Variants in PRDM2 observed in about 807,000 individuals in gnomAD.
PRDM2 encodes PR/SET domain 2.
Under a neutral mutation model 130.0 loss-of-function variants are expected in PRDM2, and 30 were observed. The observed-to-expected ratio is 0.23, with a 90% CI of 0.17 to 0.31. The LOEUF is 0.31. Among genes scored for constraint, PRDM2 ranks in the 10% least tolerant of loss-of-function variants. The probability of loss-of-function intolerance (pLI) is 1.00; values close to 1 mark genes in which losing one functional copy is unlikely to be tolerated. For synonymous variants in PRDM2, 871 were observed against 782.4 expected (o/e 1.11, Z -1.89); for missense variants, 2,011 against 2,108.4 (o/e 0.95, Z 0.90).
intron 8 of PRDM2, among the ~76,000 whole-genome samples, chr1:13,808,566 T>C (rs1263820877): frequency 6.6e-6 from 1 of 152,024 alleles, no homozygotes; most frequent in Non-Finnish European, 1.5e-5. Context: ...CGGGATTTTA[T>C]GGAGGAGCAT....
At chr1:13,822,413 TG>T (rs955467976) in intron 9 of PRDM2, among the ~76,000 whole-genome samples, 8 of 151,028 alleles carry the variant, frequency 5.3e-5, no homozygotes, top group African/African-American at 1.9e-4. Flanking sequence ...TTTTTTTTTT[TG>T]AGACAGAGTC....
At chr1:13,798,715 A>G (rs1015370) in intron 8 of PRDM2, among the ~76,000 whole-genome samples, 120,680 of 152,106 alleles carry the variant, frequency 0.79, 48,781 homozygotes, top group African/African-American at 0.95. Flanking sequence ...CCCTTTCTGT[A>G]GTACCAAGCT....
At chr1:13,718,114 A>G (rs1268219987) in intron 2 of PRDM2, among the ~76,000 whole-genome samples, 1 of 152,228 alleles carries the variant, frequency 6.6e-6, no homozygotes, top group African/African-American at 2.4e-5. Flanking sequence ...AATGAGCAGT[A>G]AATGCTTGAA....
chr1:13,814,228 T>C (rs1645221108), intron 8 of PRDM2, among the ~76,000 whole-genome samples: 1 of 152,184 alleles, frequency 6.6e-6, no homozygotes, highest in Admixed American at 6.5e-5. Context: ...ACTAGCTGCC[T>C]TGGTGGCCCG....
chr1:13,780,671 G>T lies in PRDM2; in HGVS notation c.2876G>T (p.Gly959Val). ...PALQTPSLSS[G>V]QLPPLLIPTD... ...CTGCAGACACCCTCCCTTTCATCCG[G>T]TCAGCTGCCTCCTCTCTTGATCCCC... The change falls in exon 8 of 10, where the codon GGT becomes GTT. Residue 959 changes from glycine to valine, a missense_variant. By Grantham distance (109) the Gly-to-Val change is moderately radical. Transcript: ENST00000311066. 6.2e-7 allele frequency: 1 copy of T among 1,611,056 alleles called. No homozygotes were observed. Among genetic ancestry groups the T allele is most frequent in the Non-Finnish European group, 8.5e-7 (1 of 1,178,388 alleles).
At position 13,780,882 on chromosome 1, in the gene PRDM2, C is replaced by G; in HGVS notation, c.3087C>G (p.Pro1029=). ...PLPILSPTVS[P]SPSPIPPVEP... ...CAATTCTGTCCCCAACAGTGTCCCCCTCTCCCTCTCCCATTCCTCCCGTGG... is the reference window on the plus strand; with the variant it reads ...CAATTCTGTCCCCAACAGTGTCCCCGTCTCCCTCTCCCATTCCTCCCGTGG... The change falls in exon 8 of 10, where the codon CCC becomes CCG. Residue 1029 remains proline, a synonymous_variant. Transcript: ENST00000311066. 1.2e-6 allele frequency: 2 copies of G among 1,613,038 alleles called. No individual in the cohort carries two copies. The highest frequency in any genetic ancestry group is 1.7e-6 in the Non-Finnish European group (2 of 1,179,240).
At chr1:13,703,355 A>G (rs778834346) in intron 1 of PRDM2, among the ~76,000 whole-genome samples, 1 of 152,248 alleles carries the variant, frequency 6.6e-6, no homozygotes, top group Non-Finnish European at 1.5e-5. Flanking sequence ...TAAAATCTCC[A>G]GACATTTCCA....
rs981169237 is a variant in PRDM2 at position 13,824,848 on chromosome 1, C to T, written c.*1713C>T. 5 of 152,610 alleles carry T rather than the reference C, an allele frequency of 3.3e-5. No homozygotes were observed. The highest frequency in any genetic ancestry group is 7.3e-5 in the Non-Finnish European group (5 of 68,054). 9.5% of individuals were successfully genotyped at this position (152,610 alleles called of 1,614,324 possible). A position where few individuals can be genotyped will look rare whatever the true frequency, so the allele number is the denominator to read the frequency against. On this transcript the variant is annotated 3_prime_UTR_variant, in exon 10 of 10. Transcript: ENST00000311066. ...AGTCACCTGCAGCCCATGGTGAGCT[C>T]TGGGAAGTGTGGTTGAGGCCTTGGG... is the stretch of plus-strand genomic sequence containing the variant.
chr1:13,797,466 T>C (rs1644939835), intron 8 of PRDM2, among the ~76,000 whole-genome samples: 1 of 152,242 alleles, frequency 6.6e-6, no homozygotes, highest in African/African-American at 2.4e-5. Flanking sequence ...ACATTGTAAT[T>C]AATGATAGGT....
At chr1:13,821,899 G>T (rs1645358626) in intron 9 of PRDM2, among the ~76,000 whole-genome samples, 1 of 152,222 alleles carries the variant, frequency 6.6e-6, no homozygotes, top group Non-Finnish European at 1.5e-5. Flanking sequence ...ATGCTGGAGT[G>T]AGTGAGCCTG....
At chr1:13,807,560 T>A (rs1645104710) in intron 8 of PRDM2, among the ~76,000 whole-genome samples, 3 of 152,058 alleles carry the variant, frequency 2.0e-5, no homozygotes, top group Admixed American at 6.5e-5. Context: ...TCACTGGGAA[T>A]GAGACATTTG....
intron 9 of PRDM2, 88 bp from the exon 10 acceptor site, chr1:13,823,071 A>G (rs1162183240): frequency 6.8e-6 from 9 of 1,314,920 alleles, no homozygotes; most frequent in Non-Finnish European, 9.7e-6. Context: ...GTTTAGTTAC[A>G]AAATTAAGTG....
chr1:13,812,163 G>A (rs999584607), intron 8 of PRDM2, among the ~76,000 whole-genome samples: 1 of 152,056 alleles, frequency 6.6e-6, no homozygotes, highest in African/African-American at 2.4e-5. Context: ...TGGGGGGGAG[G>A]GTGCAGCGTC....
At chr1:13,821,480 T>A (rs537824177) in intron 9 of PRDM2, among the ~76,000 whole-genome samples, 3 of 137,394 alleles carry the variant, frequency 2.2e-5, no homozygotes, top group South Asian at 2.4e-4. Flanking sequence ...TTATTTATTT[T>A]GAGACAGGGT....
intron 5 of PRDM2, 132 bp downstream of exon 5, chr1:13,742,289 C>G: frequency 9.6e-7 from 1 of 1,036,822 alleles, no homozygotes; most frequent in Non-Finnish European, 1.4e-6. Context: ...CAGCCTAAGC[C>G]TCCCCAGCCT....
intron 2 of PRDM2, among the ~76,000 whole-genome samples, chr1:13,721,523 G>A (rs1188691034): frequency 6.6e-6 from 1 of 152,040 alleles, no homozygotes; most frequent in Non-Finnish European, 1.5e-5. Context: ...TAAATGTGTA[G>A]TTTAGGAAAT....
chr1:13,773,043 A>AT lies in PRDM2; in HGVS notation c.512-35_512-34insT, dbSNP rs755832928. The AT allele has an allele frequency of 5.7e-6, 7 of 1,229,738 alleles. No homozygotes were observed. In the South Asian group the frequency reaches 1.1e-4, roughly 19 times the overall value. 76.2% of individuals were successfully genotyped at this position (1,229,738 alleles called of 1,614,324 possible). On this transcript the variant is annotated intron_variant, in intron 6 of 9. Coordinates refer to ENST00000311066, the MANE Select transcript of PRDM2 (RefSeq NM_001393986.1). ...TGAATGAATGAATAAATAAAAAAAA[A>AT]ATGAATGAATAAATTAAAAAAAATT...
At chr1:13,731,138 G>T in intron 3 of PRDM2, 21 bp downstream of exon 3, 1 of 1,596,786 alleles carries the variant, frequency 6.3e-7, no homozygotes, top group Non-Finnish European at 8.6e-7. Flanking sequence ...CTCCTGTCAC[G>T]GAGCAAGTCA....
chr1:13,802,717 G>A (rs1050766417), intron 8 of PRDM2, among the ~76,000 whole-genome samples: 2 of 152,120 alleles, frequency 1.3e-5, no homozygotes, highest in Non-Finnish European at 2.9e-5. Context: ...ATCTCATAAG[G>A]GACCATCATC....
Sources: gnomAD v4.1 joint callset for allele counts (sites outside exome capture counted in the v4.1 genomes callset) on GRCh38, gnomAD v4.1.1 for gene constraint, MANE v1.5 for transcripts, NCBI Gene and HGNC (gene_info 2026-07-23, HGNC 2026-07-21) for gene names.